SLC35D4: variants seen among roughly 807,000 people sequenced by gnomAD.
SLC35D4 encodes UDP-N-acetylglucosamine transporter SLC35D4.
the SLC35D4 span, among the ~76,000 whole-genome samples, chr18:23,339,973 G>A: frequency 5.3e-5 from 8 of 152,182 alleles, no homozygotes; most frequent in African/African-American, 1.7e-4. Context: ...AAGGGGTTCC[G>A]CGAATAGTGA....
At chr18:23,415,103 C>G in the SLC35D4 span, among the ~76,000 whole-genome samples, 1 of 152,154 alleles carries the variant, frequency 6.6e-6, no homozygotes, top group East Asian at 1.9e-4. Flanking sequence ...CAGAGCAAGA[C>G]TCTGTCTCTA....
the SLC35D4 span, among the ~76,000 whole-genome samples, chr18:23,362,456 A>G: frequency 3.3e-5 from 5 of 152,048 alleles, no homozygotes; most frequent in African/African-American, 7.2e-5. Context: ...AAAATTAGCC[A>G]GGCATGGTGG....
At chr18:23,411,291 G>A in the SLC35D4 span, among the ~76,000 whole-genome samples, 1 of 142,612 alleles carries the variant, frequency 7.0e-6, no homozygotes, top group South Asian at 2.4e-4. Context: ...GAGAAGGGAG[G>A]GGAAAGGGAA....
chr18:23,410,459 A>C, the SLC35D4 span, among the ~76,000 whole-genome samples: 26 of 145,482 alleles, frequency 1.8e-4, no homozygotes, highest in Non-Finnish European at 3.5e-4. Context: ...GCCTGGGCAA[A>C]AGAGCGAGAC....
the SLC35D4 span, among the ~76,000 whole-genome samples, chr18:23,290,225 G>A: frequency 6.6e-6 from 1 of 152,208 alleles, no homozygotes; most frequent in African/African-American, 2.4e-5. Context: ...TAACCATGGG[G>A]TCTGTTTCAA....
the SLC35D4 span, among the ~76,000 whole-genome samples, chr18:23,271,956 A>G: frequency 1.5e-4 from 23 of 152,188 alleles, no homozygotes; most frequent in South Asian, 6.2e-4. Context: ...TATTTCTTCC[A>G]TCTGGCTGTT....
chr18:23,286,410 C>A, the SLC35D4 span, among the ~76,000 whole-genome samples: 1 of 152,154 alleles, frequency 6.6e-6, no homozygotes, highest in Non-Finnish European at 1.5e-5. Flanking sequence ...CACTGGAAAT[C>A]GGATGGAAAT....
At chr18:23,281,399 T>G in the SLC35D4 span, among the ~76,000 whole-genome samples, 1 of 152,196 alleles carries the variant, frequency 6.6e-6, no homozygotes, top group Admixed American at 6.5e-5. Context: ...CAGAGCTCAC[T>G]GCAGCCTTGA....
chr18:23,333,615 C>T, the SLC35D4 span, among the ~76,000 whole-genome samples: 25 of 152,228 alleles, frequency 1.6e-4, no homozygotes, highest in South Asian at 2.1e-3. Flanking sequence ...ATTCCCAAGG[C>T]GGGAATGCAA....
chr18:23,436,001 C>T, the SLC35D4 span, among the ~76,000 whole-genome samples: 1 of 150,288 alleles, frequency 6.7e-6, no homozygotes, highest in East Asian at 2.0e-4. Context: ...TGGCCAACAC[C>T]ATTTCCATTA....
the SLC35D4 span, among the ~76,000 whole-genome samples, chr18:23,313,894 T>C: frequency 6.6e-6 from 1 of 152,136 alleles, no homozygotes; most frequent in Non-Finnish European, 1.5e-5. Context: ...TTGACTCTGA[T>C]CTCCAACCCA....
At chr18:23,354,268 G>A in the SLC35D4 span, among the ~76,000 whole-genome samples, 1 of 149,862 alleles carries the variant, frequency 6.7e-6, no homozygotes, top group Non-Finnish European at 1.5e-5. Context: ...TTGGGAGGCC[G>A]AGGCGGGCGG....
the SLC35D4 span, among the ~76,000 whole-genome samples, chr18:23,275,732 G>A: frequency 6.6e-6 from 1 of 152,156 alleles, no homozygotes; most frequent in South Asian, 2.1e-4. Flanking sequence ...CTTATAGGGG[G>A]TCAAAGGAAG....
the SLC35D4 span, among the ~76,000 whole-genome samples, chr18:23,398,833 C>T: frequency 6.6e-5 from 10 of 152,240 alleles, no homozygotes; most frequent in Admixed American, 3.3e-4. Flanking sequence ...GCACTTTCCC[C>T]AAAGTCAGAA....
chr18:23,257,211 TTTC>T, the SLC35D4 span: 1 of 1,603,416 alleles, frequency 6.2e-7, no homozygotes, highest in Non-Finnish European at 8.5e-7. Context: ...TGCTTTTGAT[TTTC>T]TTTTTGTTGC....
At chr18:23,347,837 A>T in the SLC35D4 span, among the ~76,000 whole-genome samples, 9 of 152,170 alleles carry the variant, frequency 5.9e-5, no homozygotes, top group Non-Finnish European at 1.3e-4. Flanking sequence ...TATTTCATTA[A>T]TTTCCACATT....
the SLC35D4 span, among the ~76,000 whole-genome samples, chr18:23,279,125 C>T: frequency 6.6e-6 from 1 of 152,202 alleles, no homozygotes. Context: ...CCTTCAGCTT[C>T]TGCTCCACTA....
the SLC35D4 span, among the ~76,000 whole-genome samples, chr18:23,298,354 G>A: frequency 6.6e-6 from 1 of 152,212 alleles, no homozygotes; most frequent in Non-Finnish European, 1.5e-5. Flanking sequence ...ATGATGCACT[G>A]GGTTAGTGCT....
At chr18:23,303,485 G>A in the SLC35D4 span, among the ~76,000 whole-genome samples, 5 of 152,176 alleles carry the variant, frequency 3.3e-5, no homozygotes. Flanking sequence ...TCCTCACACT[G>A]GAGAGCTGTC....
Sources: gnomAD v4.1 joint callset for allele counts (sites outside exome capture counted in the v4.1 genomes callset) on GRCh38, gnomAD v4.1.1 for gene constraint, MANE v1.5 for transcripts, NCBI Gene and HGNC (gene_info 2026-07-23, HGNC 2026-07-21) for gene names.